The following SEC16A variants were observed in gnomAD, a reference collection of about 807,000 sequenced individuals.
SEC16A encodes the protein SEC16 homolog A, endoplasmic reticulum export factor, also known as protein transport protein Sec16A.
In SEC16A, 110 loss-of-function variants were observed where a neutral mutation model predicts 221.9. The ratio of observed to expected loss-of-function variants is 0.50; its 90% CI spans 0.42 to 0.58. The LOEUF is 0.58. Among genes scored for constraint, SEC16A ranks in the 20% least tolerant of loss-of-function variants. The pLI, the probability that SEC16A is intolerant of heterozygous loss-of-function variation, is 0.00. For missense variants in SEC16A, 3,165 were observed against 3,097.8 expected (o/e 1.02, Z -0.52); for synonymous variants, 1,393 against 1,257.7 (o/e 1.11, Z -2.28).
intron 19 of SEC16A, 115 bp from the exon 20 acceptor site, chr9:136,455,908 G>C: frequency 2.4e-6 from 3 of 1,233,356 alleles, no homozygotes; most frequent in Non-Finnish European, 2.3e-6. Context: ...GGCACTCAAA[G>C]CCCTTTCTGG....
At chr9:136,484,701 G>A (rs139173320), upstream of SEC16A, 10 of 1,366,470 alleles carry the variant, frequency 7.3e-6, no homozygotes, top group African/African-American at 1.3e-4. Flanking sequence ...GCGGTGCAGG[G>A]AGAGCTTCAG....
chr9:136,462,754 G>A (rs1839660059), intron 12 of SEC16A, 133 bp downstream of exon 12: 6 of 982,902 alleles, frequency 6.1e-6, no homozygotes, highest in African/African-American at 1.6e-5. Flanking sequence ...GAAACAGCAA[G>A]ACCCGAAGCC....
Position 136,456,170 on chromosome 9 carries a change from G to A in SEC16A, c.5551-4C>T, listed in dbSNP as rs746373354. The A allele has an allele frequency of 4.4e-6, 7 of 1,607,682 alleles. No homozygotes were observed. In the Admixed American group the frequency reaches 8.4e-5, roughly 19 times the overall value. On this transcript the variant is annotated splice_polypyrimidine_tract_variant and splice_region_variant and intron_variant, in intron 18 of 31. Transcript: ENST00000684901. ...AGAGTCGTAACTGGGAAGCCATCTA[G>A]ACACGGGCAAAAATCAAAGGCCCCT... is the stretch of plus-strand genomic sequence containing the variant.
At chr9:136,457,658 T>C in intron 17 of SEC16A, 74 bp from the exon 18 acceptor site, 3 of 1,511,108 alleles carry the variant, frequency 2.0e-6, no homozygotes, top group South Asian at 1.3e-5. Context: ...AGCCTTGTAC[T>C]GCCCTGAGGC....
At chr9:136,463,856 G>T in intron 9 of SEC16A, 116 bp from the exon 10 acceptor site, 1 of 1,055,660 alleles carries the variant, frequency 9.5e-7, no homozygotes, top group Non-Finnish European at 1.5e-6. Flanking sequence ...TGGCCCACCT[G>T]CCCCGCCCCA....
intron 3 of SEC16A, among the ~76,000 whole-genome samples, chr9:136,473,190 T>C (rs1303218669): frequency 6.6e-6 from 1 of 152,246 alleles, no homozygotes; most frequent in African/African-American, 2.4e-5. Flanking sequence ...GGCCCCCTTC[T>C]GACTGCAAGG....
intron 30 of SEC16A, among the ~76,000 whole-genome samples, chr9:136,444,372 G>A (rs1472180192): frequency 6.6e-6 from 1 of 152,200 alleles, no homozygotes; most frequent in Non-Finnish European, 1.5e-5. Context: ...TGCTGCACCC[G>A]CCCCGGCCTC....
At position 136,467,041 on chromosome 9, in the gene SEC16A, C is replaced by G; in HGVS notation, c.3845G>C (p.Arg1282Thr). Residue 1282 changes from arginine to threonine, a missense_variant, in exon 6 of 32, where the codon AGG (arginine) becomes ACG (threonine). Arg to Thr is a moderately conservative substitution (Grantham distance 71). Coordinates refer to ENST00000684901, the MANE Select transcript of SEC16A (RefSeq NM_014866.2). ...WDRYHYSARVRDPRTYDRRYW... is the reference protein window; with the variant it reads ...WDRYHYSARVTDPRTYDRRYW... Reference sequence around the variant, plus strand: ...CCTCCGGTCATAGGTGCGGGGGTCCCTGACTCTAGCACTGTAGTGGTAACG... The same window carrying G: ...CCTCCGGTCATAGGTGCGGGGGTCCGTGACTCTAGCACTGTAGTGGTAACG... 2 of 1,613,894 alleles carry G rather than the reference C, an allele frequency of 1.2e-6. No homozygotes were observed. Among genetic ancestry groups the G allele is most frequent in the African/African-American group, 1.3e-5 (1 of 75,040 alleles).
At position 136,467,066 on chromosome 9, in the gene SEC16A, G is replaced by A. The variant is rs773755664; in HGVS notation, c.3820C>T (p.Arg1274Cys). 47 of 1,613,606 alleles carry A rather than the reference G, an allele frequency of 2.9e-5. No homozygotes were observed. Among genetic ancestry groups the A allele is most frequent in the Middle Eastern group, 1.6e-4 (1 of 6,084 alleles). The stretch of plus-strand genomic sequence containing the variant: ...CTGACTCTAGCACTGTAGTGGTAAC[G>A]ATCCCAGTGACCTGGATCTGTGAGC... ...YDYGDPGHWDRYHYSARVRDP... is the reference protein window; with the variant it reads ...YDYGDPGHWDCYHYSARVRDP... The change falls in exon 6 of 32, where the codon CGT becomes TGT. Residue 1274 changes from arginine (R) to cysteine (C), a missense_variant. Transcript: ENST00000684901.
In SEC16A at chr9:136,459,041, G is replaced by T. The variant is rs953363544; in HGVS notation, c.5409+93C>A. On this transcript the variant is annotated intron_variant, in intron 17 of 31. Transcript: ENST00000684901. The surrounding 1 kb of genome is among the most constrained non-coding windows in gnomAD (Gnocchi z 6.1). ...CCAAAAAACTCACATCATTTTTTTC[G>T]ATACCAATTCAAACAATCTAAGTAG... The T allele has an allele frequency of 1.8e-5, 14 of 793,524 alleles. No homozygotes were observed. In the Admixed American group the frequency reaches 3.8e-4, roughly 21 times the overall value. 49.2% of individuals were successfully genotyped at this position (793,524 alleles called of 1,614,324 possible). A position where few individuals can be genotyped will look rare whatever the true frequency, so the allele number is the denominator to read the frequency against.
At chr9:136,441,937 T>A in intron 31 of SEC16A, 114 bp from the exon 32 acceptor site, 1 of 885,534 alleles carries the variant, frequency 1.1e-6, no homozygotes, top group Non-Finnish European at 1.8e-6. Flanking sequence ...CCATTGGCGC[T>A]GACAAGCTGA....
intron 29 of SEC16A, 101 bp from the exon 30 acceptor site, chr9:136,445,212 C>A: frequency 1.0e-6 from 1 of 980,714 alleles, no homozygotes; most frequent in Non-Finnish European, 1.6e-6. Flanking sequence ...CTTTGTGATG[C>A]CATTAGAATC....
chr9:136,455,323 G>A (rs1230043398), intron 20 of SEC16A, among the ~76,000 whole-genome samples: 1 of 152,166 alleles, frequency 6.6e-6, no homozygotes. Context: ...CAGGGAGGCT[G>A]AGCAGGCAGC....
At chr9:136,461,921 C>G (rs1336989555) in intron 12 of SEC16A, among the ~76,000 whole-genome samples, 1 of 149,962 alleles carries the variant, frequency 6.7e-6, no homozygotes, top group African/African-American at 2.5e-5. Flanking sequence ...AGCCTGGCAA[C>G]ATGGTGAAAC....
rs894760948 is a variant in SEC16A at position 136,474,900 on chromosome 9, T to G, written c.2716A>C (p.Asn906His). The G allele has an allele frequency of 6.2e-7, 1 of 1,613,652 alleles. No homozygotes were observed. Among genetic ancestry groups the G allele is most frequent in the South Asian group, 1.1e-5 (1 of 91,068 alleles). The change falls in exon 3 of 32, where the codon AAT becomes CAT. Residue 906 changes from asparagine to histidine, a missense_variant. Physicochemically the swap from Asn to His is moderately conservative, Grantham distance 68 (BLOSUM62 1). Transcript: ENST00000684901. ...GAAGCACCAGAACCTTGTGGAAAAT[T>G]ACTTTGGGCAACACTGCTAGGCAGA... ...LSLPSSVAQS[N>H]FPQGSGASEM... is the part of the protein sequence containing the mutation.
At position 136,474,166 on chromosome 9, in the gene SEC16A, G is replaced by T. The variant is rs577690635; in HGVS notation, c.3450C>A (p.Gly1150=). The part of the protein sequence containing the change: ...WPQPVPALAP[G]PPPQDLAAYY... Reference sequence around the variant, plus strand: ...AGGCGGCCAGGTCCTGAGGCGGTGGGCCGGGGGCAAGTGCAGGCACTGGCT... The same window carrying T: ...AGGCGGCCAGGTCCTGAGGCGGTGGTCCGGGGGCAAGTGCAGGCACTGGCT... Residue 1150 remains glycine (G), a synonymous_variant, in exon 3 of 32, where the codon GGC becomes GGA. Coordinates refer to ENST00000684901, the MANE Select transcript of SEC16A (RefSeq NM_014866.2). 6.2e-7 allele frequency: 1 copy of T among 1,612,958 alleles called. No individual in the cohort carries two copies.
chr9:136,447,830 C>T lies in SEC16A; in HGVS notation c.6447+23G>A. 3 of 1,603,706 alleles carry T rather than the reference C, an allele frequency of 1.9e-6. No homozygotes were observed. The highest frequency in any genetic ancestry group is 4.5e-5 in the East Asian group (2 of 44,750). On this transcript the variant is annotated intron_variant, in intron 25 of 31. Coordinates refer to ENST00000684901, the MANE Select transcript of SEC16A (RefSeq NM_014866.2). The surrounding 1 kb of genome is among the most constrained non-coding windows in gnomAD (Gnocchi z 5.5). The stretch of plus-strand genomic sequence containing the variant: ...CCCTCCACTCACACCTCACACCCAA[C>T]AGGAACTAGAATGACAATTTACCTC...
chr9:136,462,864 G>A, intron 12 of SEC16A, 23 bp downstream of exon 12: 1 of 1,596,280 alleles, frequency 6.3e-7, no homozygotes, highest in Non-Finnish European at 8.5e-7. Context: ...GCAGGCGCCA[G>A]GTGCCATGAT....
intron 8 of SEC16A, among the ~76,000 whole-genome samples, chr9:136,465,600 G>A (rs1292552060): frequency 6.6e-6 from 1 of 152,260 alleles, no homozygotes; most frequent in Non-Finnish European, 1.5e-5. Flanking sequence ...GACAACTGCA[G>A]GAGCGGAGTC....
Sources: allele counts gnomAD v4.1 joint callset (sites outside exome capture counted in the v4.1 genomes callset), GRCh38; gene constraint gnomAD v4.1.1; non-coding constraint Gnocchi (gnomAD v3.1); transcripts MANE v1.5; gene names NCBI Gene and HGNC (gene_info 2026-07-23, HGNC 2026-07-21).